PARD3: variants seen among roughly 807,000 people sequenced by gnomAD.
PARD3 encodes par-3 family cell polarity regulator.
A neutral mutation model predicts 155.4 loss-of-function variants in PARD3; 75 were observed. That is an observed-to-expected ratio of 0.48 (90% CI 0.40 to 0.58). PARD3 has a LOEUF of 0.58. PARD3 is among the 20% of genes least tolerant of loss of function. PARD3 has a pLI of 0.00. For synonymous variants in PARD3, 576 were observed against 610.5 expected, an observed-to-expected ratio of 0.94 and a Z score of 0.83; for missense variants, 1,642 against 1,721.7, an observed-to-expected ratio of 0.95 and a Z score of 0.82.
intron 13 of PARD3, 74 bp from the exon 14 acceptor site, chr10:34,359,391 A>T: frequency 1.8e-6 from 2 of 1,095,558 alleles, no homozygotes; most frequent in Non-Finnish European, 2.6e-6. Context: ...CCTTTAGTTA[A>T]TAAATAAAAT....
chr10:34,146,316 T>C (rs1948502735), intron 22 of PARD3, among the ~76,000 whole-genome samples: 1 of 152,206 alleles, frequency 6.6e-6, no homozygotes, highest in African/African-American at 2.4e-5. Context: ...AAGACATGGA[T>C]GTAAATGTTC....
At position 34,779,617 on chromosome 10, in the gene PARD3, T is replaced by A. The variant is rs547369491; in HGVS notation, c.120+35259A>T. Among the ~76,000 whole-genome samples, 5 of 152,224 alleles carry A rather than the reference T, an allele frequency of 3.3e-5. 1 individual carries two copies. Among genetic ancestry groups the A allele is most frequent in the African/African-American group, 1.2e-4 (5 of 41,550 alleles). ...GCCTGGGCGACACAGCGTGACTCCA[T>A]CTCAAAAATAAAATAAAATAAAGCA... On this transcript the variant is annotated intron_variant, in intron 1 of 24. Coordinates refer to ENST00000374788, the MANE Select transcript of PARD3 (RefSeq NM_001184785.2).
intron 5 of PARD3, among the ~76,000 whole-genome samples, chr10:34,405,179 A>G (rs1844326813): frequency 6.6e-6 from 1 of 152,028 alleles, no homozygotes; most frequent in Admixed American, 6.6e-5. Flanking sequence ...TATCACAAGC[A>G]TTACATGGTG....
At chr10:34,188,462 T>G (rs1950575089) in intron 22 of PARD3, among the ~76,000 whole-genome samples, 1 of 152,138 alleles carries the variant, frequency 6.6e-6, no homozygotes, top group Admixed American at 6.5e-5. Flanking sequence ...GGAATGCACT[T>G]CTGATGACAA....
At chr10:34,219,087 A>T (rs1228537982) in intron 22 of PARD3, among the ~76,000 whole-genome samples, 1 of 152,194 alleles carries the variant, frequency 6.6e-6, no homozygotes, top group Non-Finnish European at 1.5e-5. Flanking sequence ...AAGGTATAGG[A>T]ATTATTAGTT....
chr10:34,595,758 TA>T (rs59111790), intron 2 of PARD3, among the ~76,000 whole-genome samples: 1,741 of 151,336 alleles, frequency 0.012, 38 homozygotes, highest in African/African-American at 0.036. Context: ...TTATTTAGGT[TA>T]AAAAAAAACA....
chr10:34,782,559 G>A (rs150756543), intron 1 of PARD3, among the ~76,000 whole-genome samples: 1 of 152,132 alleles, frequency 6.6e-6, no homozygotes, highest in East Asian at 1.9e-4. Context: ...CTCCACTTTT[G>A]GCTGATCGAA....
intron 1 of PARD3, among the ~76,000 whole-genome samples, chr10:34,718,918 G>A (rs1013720408): frequency 6.6e-6 from 1 of 151,934 alleles, no homozygotes; most frequent in African/African-American, 2.4e-5. Context: ...AGCCGAGATT[G>A]AGCCACTGCA....
chr10:34,615,483 G>A (rs927733099), intron 2 of PARD3, among the ~76,000 whole-genome samples: 2 of 152,166 alleles, frequency 1.3e-5, no homozygotes, highest in African/African-American at 2.4e-5. Context: ...AGACTTAAAT[G>A]TAAGGCCAAA....
At chr10:34,773,735 T>G (rs1454774204) in intron 1 of PARD3, among the ~76,000 whole-genome samples, 1 of 152,214 alleles carries the variant, frequency 6.6e-6, no homozygotes, top group Admixed American at 6.5e-5. Flanking sequence ...TTTTTACTGG[T>G]TAATTCCCTC....
intron 5 of PARD3, among the ~76,000 whole-genome samples, chr10:34,446,243 T>C (rs1315715998): frequency 6.6e-6 from 1 of 152,154 alleles, no homozygotes; most frequent in Non-Finnish European, 1.5e-5. Flanking sequence ...GTTGCTAAGC[T>C]ACAGAGTTAA....
intron 2 of PARD3, among the ~76,000 whole-genome samples, chr10:34,621,059 T>C (rs1051015847): frequency 6.6e-6 from 1 of 152,192 alleles, no homozygotes; most frequent in African/African-American, 2.4e-5. Flanking sequence ...TAACAGTACA[T>C]TGGAGAAACC....
intron 2 of PARD3, among the ~76,000 whole-genome samples, chr10:34,556,380 T>C (rs999253723): frequency 7.6e-6 from 1 of 131,654 alleles, no homozygotes; most frequent in Non-Finnish European, 1.5e-5. Context: ...TTCCTTTTCT[T>C]CTTTCTTTTT....
At chr10:34,675,713 T>C (rs1590582880) in intron 2 of PARD3, 1 of 190,390 alleles carries the variant, frequency 5.3e-6, no homozygotes, top group East Asian at 1.2e-4. Context: ...CCTTAACTAT[T>C]ACACAACTTC....
chr10:34,437,105 C>T (rs187908204), intron 5 of PARD3, among the ~76,000 whole-genome samples: 1 of 151,998 alleles, frequency 6.6e-6, no homozygotes, highest in African/African-American at 2.4e-5. Context: ...AAATTAATCC[C>T]CCTATAGTCT....
intron 1 of PARD3, among the ~76,000 whole-genome samples, chr10:34,750,462 AAC>A (rs71033348): frequency 0.048 from 6,450 of 135,736 alleles, 190 homozygotes; most frequent in African/African-American, 0.076. Context: ...CTCTCTTTCA[AAC>A]ACACACACAC....
chr10:34,574,005 T>C (rs2086685944), intron 2 of PARD3, among the ~76,000 whole-genome samples: 1 of 152,180 alleles, frequency 6.6e-6, no homozygotes. Context: ...TTTGTATTTA[T>C]CTTTTGAGAG....
chr10:34,127,472 C>G (rs1270344694), intron 23 of PARD3, among the ~76,000 whole-genome samples: 4 of 152,140 alleles, frequency 2.6e-5, no homozygotes, highest in Non-Finnish European at 5.9e-5. Flanking sequence ...ACCAAGTATT[C>G]CTTTATTTTT....
chr10:34,814,364 C>A (rs1482076000), intron 1 of PARD3, among the ~76,000 whole-genome samples: 1 of 152,030 alleles, frequency 6.6e-6, no homozygotes, highest in Admixed American at 6.5e-5. Context: ...TCCGCCCCCG[C>A]CCGAGTAAGG....
Sources: gnomAD v4.1 joint callset for allele counts (sites outside exome capture counted in the v4.1 genomes callset) on GRCh38, gnomAD v4.1.1 for gene constraint, MANE v1.5 for transcripts, NCBI Gene and HGNC (gene_info 2026-07-23, HGNC 2026-07-21) for gene names.